Variants in ANTXR1 observed in about 807,000 individuals in gnomAD.
The protein encoded by ANTXR1 is anthrax toxin receptor 1.
In ANTXR1, 19 loss-of-function variants were observed where a neutral mutation model predicts 78.1. The observed-to-expected ratio is 0.24, with a 90% CI of 0.17 to 0.36. The LOEUF (loss-of-function observed/expected upper bound fraction) is 0.36. Among genes scored for constraint, ANTXR1 ranks in the 10% least tolerant of loss-of-function variants. The pLI, the probability that ANTXR1 is intolerant of heterozygous loss-of-function variation, is 1.00. For synonymous variants in ANTXR1, 273 were observed against 260.5 expected, an observed-to-expected ratio of 1.05 and a Z score of -0.46; for missense variants, 518 against 718.6, an observed-to-expected ratio of 0.72 and a Z score of 3.19.
Position 69,249,143 on chromosome 2 carries a change from TA to T in ANTXR1, c.*3665del, listed in dbSNP as rs201453603. The T allele has an allele frequency of 2.7e-5, 4 of 146,478 alleles. No individual in the cohort carries two copies. In the East Asian group the frequency reaches 6.1e-4, roughly 22 times the overall value. The allele number at this position is 146,478 out of a possible 1,614,324, so 9.1% of individuals were successfully genotyped here. ...TGACAACCCTGGAAGTTGCTTTTTT[TA>T]AAAAAATAATAAATTTCTTAAATCA... On this transcript the variant is annotated 3_prime_UTR_variant, in exon 18 of 18. Transcript: ENST00000303714.
intron 3 of ANTXR1, among the ~76,000 whole-genome samples, chr2:69,049,889 A>T (rs1669878408): frequency 2.0e-5 from 3 of 152,202 alleles, no homozygotes; most frequent in Admixed American, 2.0e-4. Context: ...CGAGATTATT[A>T]AAACTTTTTA....
chr2:69,249,275 T>C lies in ANTXR1; in HGVS notation c.*3790T>C, dbSNP rs1676088249. On this transcript the variant is annotated 3_prime_UTR_variant, in exon 18 of 18. Transcript: ENST00000303714. ...AGGAGACTGGGCAAAACCTGTACAA[T>C]GACAACCCTGGAAGTTGCTTTTTTA... 1 of 152,198 alleles carries C rather than the reference T, an allele frequency of 6.6e-6. No individual in the cohort carries two copies. The highest frequency in any genetic ancestry group is 1.5e-5 in the Non-Finnish European group (1 of 68,042). 9.4% of individuals were successfully genotyped at this position (152,198 alleles called of 1,614,324 possible). A position where few individuals can be genotyped will look rare whatever the true frequency, so the allele number is the denominator to read the frequency against.
chr2:69,022,669 G>A (rs184208192), intron 1 of ANTXR1, among the ~76,000 whole-genome samples: 204 of 152,340 alleles, frequency 1.3e-3, no homozygotes, highest in Non-Finnish European at 2.4e-3. Context: ...TTTTGGAAAA[G>A]CTTCCCAGGT....
intron 17 of ANTXR1, among the ~76,000 whole-genome samples, chr2:69,206,429 G>A (rs1443238840): frequency 6.6e-6 from 1 of 152,200 alleles, no homozygotes; most frequent in African/African-American, 2.4e-5. Flanking sequence ...ACTAGTAAAA[G>A]TGGGCCTAAT....
At chr2:69,041,651 C>T (rs974553256) in intron 2 of ANTXR1, among the ~76,000 whole-genome samples, 1 of 152,204 alleles carries the variant, frequency 6.6e-6, no homozygotes, top group South Asian at 2.1e-4. Context: ...GCCCACCAGT[C>T]CAGCACCTGG....
At chr2:69,123,841 C>A (rs768169556) in intron 11 of ANTXR1, among the ~76,000 whole-genome samples, 1 of 152,124 alleles carries the variant, frequency 6.6e-6, no homozygotes, top group Non-Finnish European at 1.5e-5. Context: ...TCTCCAAAAC[C>A]GTGTCTATAA....
intron 17 of ANTXR1, among the ~76,000 whole-genome samples, chr2:69,209,333 T>C (rs1674983379): frequency 6.6e-6 from 1 of 152,268 alleles, no homozygotes; most frequent in African/African-American, 2.4e-5. Context: ...ATATTTATTC[T>C]GACCCTGTGA....
At chr2:69,036,171 C>T (rs1669409308) in intron 1 of ANTXR1, among the ~76,000 whole-genome samples, 2 of 152,182 alleles carry the variant, frequency 1.3e-5, no homozygotes. Flanking sequence ...AATTCAAGTT[C>T]CTATTTCACC....
intron 1 of ANTXR1, 88 bp from the exon 2 acceptor site, chr2:69,039,956 T>C: frequency 8.8e-7 from 1 of 1,135,012 alleles, no homozygotes; most frequent in South Asian, 1.3e-5. Flanking sequence ...AGAGGTCAAA[T>C]GTAAAATAAC....
intron 3 of ANTXR1, among the ~76,000 whole-genome samples, chr2:69,063,703 A>G (rs1017667971): frequency 1.3e-5 from 2 of 152,186 alleles, no homozygotes; most frequent in East Asian, 3.8e-4. Flanking sequence ...CAGAAATAAC[A>G]CTATTTTTGG....
intron 9 of ANTXR1, among the ~76,000 whole-genome samples, chr2:69,097,919 A>G (rs1360824185): frequency 1.3e-5 from 2 of 152,280 alleles, no homozygotes; most frequent in Non-Finnish European, 2.9e-5. Context: ...GCAATAAACT[A>G]TGTATAAATC....
chr2:69,215,102 AGGC>A (rs1270657143), intron 17 of ANTXR1, among the ~76,000 whole-genome samples: 1 of 152,174 alleles, frequency 6.6e-6, no homozygotes, highest in Non-Finnish European at 1.5e-5. Context: ...CCTGCTGCAC[AGGC>A]TGCCTCCACT....
At chr2:69,063,488 G>T (rs1177435636) in intron 3 of ANTXR1, among the ~76,000 whole-genome samples, 2 of 151,814 alleles carry the variant, frequency 1.3e-5, no homozygotes, top group African/African-American at 4.8e-5. Flanking sequence ...AGAATCATCA[G>T]CAGCAAATCT....
intron 3 of ANTXR1, among the ~76,000 whole-genome samples, chr2:69,053,433 TC>T (rs555577916): frequency 3.0e-4 from 45 of 152,278 alleles, no homozygotes; most frequent in Admixed American, 2.9e-3. Context: ...TTCCCCGCCA[TC>T]CCTCATGCTT....
Position 69,245,812 on chromosome 2 carries a change from A to T in ANTXR1, c.*327A>T. 1 of 283,562 alleles carries T rather than the reference A, an allele frequency of 3.5e-6. No individual in the cohort carries two copies. Among genetic ancestry groups the T allele is most frequent in the South Asian group, 5.3e-5 (1 of 19,016 alleles). The allele number at this position is 283,562 out of a possible 1,614,324, so 17.6% of individuals were successfully genotyped here. The stretch of plus-strand genomic sequence containing the variant: ...ACCAGTAAGAAAATCATTTATCTGA[A>T]GGTGAAATGCAGAGTTGGATAAGAA... On this transcript the variant is annotated 3_prime_UTR_variant, in exon 18 of 18. Transcript: ENST00000303714.
chr2:69,245,189 T>C (rs1646782125), intron 17 of ANTXR1, 36 bp from the exon 18 acceptor site: 1 of 1,613,668 alleles, frequency 6.2e-7, no homozygotes, highest in Non-Finnish European at 8.5e-7. Flanking sequence ...TGTGAGGCCG[T>C]CCGCTCACGT....
chr2:69,130,171 G>T (rs1672692394), intron 12 of ANTXR1, among the ~76,000 whole-genome samples: 1 of 152,180 alleles, frequency 6.6e-6, no homozygotes, highest in African/African-American at 2.4e-5. Flanking sequence ...CCCAGTTGAT[G>T]CTCATCCCTG....
intron 17 of ANTXR1, among the ~76,000 whole-genome samples, chr2:69,222,590 C>T (rs958153109): frequency 3.9e-5 from 6 of 152,122 alleles, no homozygotes; most frequent in Non-Finnish European, 5.9e-5. Flanking sequence ...TAATATCAGG[C>T]AGAATAACAG....
chr2:69,080,015 A>C (rs1670852679), intron 8 of ANTXR1, among the ~76,000 whole-genome samples: 1 of 152,238 alleles, frequency 6.6e-6, no homozygotes, highest in Non-Finnish European at 1.5e-5. Flanking sequence ...AAGAAATTTT[A>C]GCGAAACTAT....
Sources: allele counts gnomAD v4.1 joint callset (sites outside exome capture counted in the v4.1 genomes callset), GRCh38; gene constraint gnomAD v4.1.1; transcripts MANE v1.5; gene names NCBI Gene and HGNC (gene_info 2026-07-23, HGNC 2026-07-21).